The following GRIK5 variants were observed in gnomAD, a reference collection of about 807,000 sequenced individuals.
GRIK5 encodes the protein glutamate receptor ionotropic, kainate 5.
A neutral mutation model predicts 97.4 loss-of-function variants in GRIK5; 43 were observed. The ratio of observed to expected loss-of-function variants is 0.44; its 90% confidence interval spans 0.35 to 0.57. GRIK5 has a LOEUF of 0.57. GRIK5 is among the 20% of genes least tolerant of loss of function. The pLI, the probability that GRIK5 is intolerant of heterozygous loss-of-function variation, is 0.01. For missense variants in GRIK5, 1,015 were observed against 1,382.0 expected (o/e 0.73, Z 4.21); for synonymous variants, 580 against 583.5 (o/e 0.99, Z 0.09).
chr19:42,001,934 T>G, intron 19 of GRIK5: 1 of 598,434 alleles, frequency 1.7e-6, no homozygotes, highest in South Asian at 2.1e-5. Flanking sequence ...GTCTAAGGAC[T>G]GAGCCCTGGA....
intron 15 of GRIK5, among the ~76,000 whole-genome samples, chr19:42,020,453 G>A (rs1430819169): frequency 1.3e-5 from 2 of 152,180 alleles, no homozygotes; most frequent in African/African-American, 4.8e-5. Flanking sequence ...AGGCATCTGT[G>A]AAATTGTTAG....
intron 11 of GRIK5, among the ~76,000 whole-genome samples, chr19:42,045,300 T>C (rs1336814977): frequency 6.6e-6 from 1 of 152,002 alleles, no homozygotes; most frequent in Non-Finnish European, 1.5e-5. Flanking sequence ...AATTCCAGAG[T>C]CTCAGCCTTC....
At chr19:42,027,204 T>C in intron 12 of GRIK5, among the ~76,000 whole-genome samples, 1 of 152,280 alleles carries the variant, frequency 6.6e-6, no homozygotes, top group African/African-American at 2.4e-5. Flanking sequence ...CGTCAGGTAG[T>C]GACAAGTGCT....
At chr19:42,050,979 C>T (rs1364228557) in intron 11 of GRIK5, among the ~76,000 whole-genome samples, 2 of 152,106 alleles carry the variant, frequency 1.3e-5, no homozygotes, top group Non-Finnish European at 2.9e-5. Context: ...GAGACGCAGA[C>T]CCGTTGTATA....
At chr19:42,007,336 C>A (rs1187751977) in intron 15 of GRIK5, among the ~76,000 whole-genome samples, 2 of 151,968 alleles carry the variant, frequency 1.3e-5, no homozygotes, top group Non-Finnish European at 2.9e-5. Context: ...CTCAGGTGAT[C>A]CACCTGCCTC....
chr19:42,004,955 C>T (rs1330010233), intron 17 of GRIK5, among the ~76,000 whole-genome samples: 2 of 152,156 alleles, frequency 1.3e-5, no homozygotes, highest in East Asian at 3.8e-4. Context: ...ACTCCTGAGC[C>T]TGTCCTCCAA....
chr19:42,056,517 G>T, intron 8 of GRIK5, 145 bp downstream of exon 8: 1 of 652,790 alleles, frequency 1.5e-6, no homozygotes. Flanking sequence ...AGGAGGACAT[G>T]GGTCCAATGC....
chr19:42,014,488 G>A (rs929612966), intron 15 of GRIK5, among the ~76,000 whole-genome samples: 3 of 151,250 alleles, frequency 2.0e-5, no homozygotes, highest in African/African-American at 7.3e-5. Context: ...CTGTTTATAA[G>A]AAACACACTT....
intron 15 of GRIK5, among the ~76,000 whole-genome samples, chr19:42,012,571 G>T (rs2075576880): frequency 6.6e-6 from 1 of 151,218 alleles, no homozygotes; most frequent in Admixed American, 6.6e-5. Flanking sequence ...TTTTTAAATG[G>T]TTAAAATGAA....
At chr19:42,009,800 C>T (rs1276626913) in intron 15 of GRIK5, among the ~76,000 whole-genome samples, 1 of 145,192 alleles carries the variant, frequency 6.9e-6, no homozygotes, top group Non-Finnish European at 1.5e-5. Context: ...GGCACAGTGG[C>T]TCAGGCCTGT....
chr19:42,009,216 C>T (rs782638480), intron 15 of GRIK5, among the ~76,000 whole-genome samples: 1 of 151,952 alleles, frequency 6.6e-6, no homozygotes, highest in Non-Finnish European at 1.5e-5. Context: ...CTAAGTGAGA[C>T]CTTATCGTTA....
chr19:42,031,475 C>A (rs2146079250), intron 12 of GRIK5, among the ~76,000 whole-genome samples: 1 of 152,304 alleles, frequency 6.6e-6, no homozygotes, highest in East Asian at 1.9e-4. Context: ...CAACCAAGAA[C>A]TGGGAAAACA....
intron 8 of GRIK5, 60 bp from the exon 9 acceptor site, chr19:42,054,532 C>T: frequency 6.3e-7 from 1 of 1,580,474 alleles, no homozygotes. Context: ...AGAGGAGCCC[C>T]AAAGGCCCCT....
chr19:42,036,192 T>G (rs2075902370), intron 12 of GRIK5, among the ~76,000 whole-genome samples: 1 of 151,924 alleles, frequency 6.6e-6, no homozygotes, highest in Admixed American at 6.6e-5. Context: ...CCTGAGTAGC[T>G]GGGATTACAG....
chr19:42,032,536 C>T (rs1223481362), intron 12 of GRIK5, among the ~76,000 whole-genome samples: 1 of 152,234 alleles, frequency 6.6e-6, no homozygotes, highest in African/African-American at 2.4e-5. Flanking sequence ...ATGACACTGG[C>T]TATGCTAGCA....
At chr19:42,050,206 A>G (rs1340159746) in intron 11 of GRIK5, among the ~76,000 whole-genome samples, 1 of 152,170 alleles carries the variant, frequency 6.6e-6, no homozygotes, top group Non-Finnish European at 1.5e-5. Context: ...CTGGGGTTAC[A>G]GGTGTGAACC....
chr19:42,052,336 C>T (rs2076127717), intron 11 of GRIK5, among the ~76,000 whole-genome samples: 1 of 152,052 alleles, frequency 6.6e-6, no homozygotes, highest in Non-Finnish European at 1.5e-5. Context: ...CAGGGATTGA[C>T]CGCACACCAC....
intron 12 of GRIK5, among the ~76,000 whole-genome samples, chr19:42,038,630 G>A (rs909061708): frequency 5.3e-5 from 8 of 152,240 alleles, no homozygotes; most frequent in African/African-American, 1.9e-4. Context: ...CAGCTGGAGG[G>A]CTGGAAAGGG....
intron 12 of GRIK5, among the ~76,000 whole-genome samples, chr19:42,025,385 T>C (rs2075758330): frequency 6.6e-6 from 1 of 152,076 alleles, no homozygotes; most frequent in East Asian, 1.9e-4. Context: ...GCTCCATGGC[T>C]GGGGGTGTCT....
Sources: gnomAD v4.1 joint callset for allele counts (sites outside exome capture counted in the v4.1 genomes callset) on GRCh38, gnomAD v4.1.1 for gene constraint, MANE v1.5 for transcripts, NCBI Gene and HGNC (gene_info 2026-07-23, HGNC 2026-07-21) for gene names.